Variants in CYBC1 observed in about 807,000 individuals in gnomAD.
CYBC1 encodes the protein cytochrome b-245 chaperone 1.
In CYBC1, 22 loss-of-function variants were observed where a neutral mutation model predicts 21.7. That is an observed-to-expected ratio of 1.02 (90% CI 0.73 to 1.45). The LOEUF (loss-of-function observed/expected upper bound fraction) is 1.45, where lower values mean the gene tolerates loss of function less well. Ranked by LOEUF, CYBC1 falls within the 40% of genes most tolerant of loss-of-function variation. The probability of loss-of-function intolerance (pLI) is 0.00; values close to 1 mark genes in which losing one functional copy is unlikely to be tolerated. For missense variants in CYBC1, 237 were observed against 242.1 expected (o/e 0.98, Z 0.14); for synonymous variants, 112 against 98.7 (o/e 1.13, Z -0.80).
At chr17:82,444,720 C>T in intron 5 of CYBC1, 129 bp from the exon 6 acceptor site, 1 of 1,234,458 alleles carries the variant, frequency 8.1e-7, no homozygotes, top group Non-Finnish European at 1.1e-6. Flanking sequence ...TTGCTGTTTC[C>T]TGCCTGAGGC....
At position 82,444,137 on chromosome 17, in the gene CYBC1, G is replaced by T. The variant is rs754388022; in HGVS notation, c.444-13C>A. 1.2e-6 allele frequency: 2 copies of T among 1,606,088 alleles called. No individual in the cohort carries two copies. The highest frequency in any genetic ancestry group is 1.7e-6 in the Non-Finnish European group (2 of 1,174,676). On this transcript the variant is annotated splice_polypyrimidine_tract_variant and intron_variant, in intron 6 of 6. Coordinates refer to ENST00000306645, the MANE Select transcript of CYBC1 (RefSeq NM_001033046.4). Reference sequence around the variant, plus strand: ...GGCTTCCACATCACTGGGCGAGGCCGGCAACGGGAGGAAGGTCAGGTCACC... The same window carrying T: ...GGCTTCCACATCACTGGGCGAGGCCTGCAACGGGAGGAAGGTCAGGTCACC...
At chr17:82,444,736 C>T (rs2054178735) in intron 5 of CYBC1, 145 bp from the exon 6 acceptor site, 25 of 1,061,578 alleles carry the variant, frequency 2.4e-5, no homozygotes, top group Non-Finnish European at 3.2e-5. Context: ...GAGGCTGGGC[C>T]CCGGAGGACT....
At position 82,445,058 on chromosome 17, in the gene CYBC1, T is replaced by TGGC. The variant is rs1484658795; in HGVS notation, c.299-468_299-467insGCC. On this transcript the variant is annotated intron_variant, in intron 5 of 6. Transcript: ENST00000306645. ...CAGCCCAGGCCAGCCCTGCAACTGCTCTCCCCAAAGCCACAGGTGACCTGG... is the reference window on the plus strand; with the variant it reads ...CAGCCCAGGCCAGCCCTGCAACTGCTGGCCTCCCCAAAGCCACAGGTGACCTGG... 193 of 158,842 alleles carry TGGC rather than the reference T, an allele frequency of 1.2e-3. 1 individual carries two copies. Among genetic ancestry groups the TGGC allele is most frequent in the Middle Eastern group, 6.5e-3 (2 of 308 alleles). The allele number at this position is 158,842 out of a possible 1,614,324, so 9.8% of individuals were successfully genotyped here.
At chr17:82,449,584 C>T in intron 1 of CYBC1, 1 of 307,570 alleles carries the variant, frequency 3.3e-6, no homozygotes, top group Non-Finnish European at 5.9e-6. Flanking sequence ...CTGCCCCGTC[C>T]TGTCTGGAAA....
At chr17:82,447,552 T>TG (rs751595888) in intron 3 of CYBC1, 28 bp downstream of exon 3, 58 of 455,962 alleles carry the variant, frequency 1.3e-4, no homozygotes, top group Admixed American at 4.2e-4. Flanking sequence ...GAGACAGTCA[T>TG]GGGGGGGTGG....
At chr17:82,447,533 C>G in intron 3 of CYBC1, 47 bp downstream of exon 3, 3 of 1,347,524 alleles carry the variant, frequency 2.2e-6, no homozygotes, top group South Asian at 2.5e-5. Context: ...CTCTGTTTTC[C>G]AAACAGCTGA....
chr17:82,443,460 T>C lies in CYBC1; in HGVS notation c.*544A>G. The C allele has an allele frequency of 1.5e-6, 1 of 665,210 alleles. No homozygotes were observed. Among genetic ancestry groups the C allele is most frequent in the South Asian group, 1.5e-5 (1 of 64,834 alleles). The allele number at this position is 665,210 out of a possible 1,614,324, so 41.2% of individuals were successfully genotyped here. ...CCTGGATGTTCACCCCTCACTGCCC[T>C]TGGGGAAGCACCTGACCGCTGGGGA... On this transcript the variant is annotated 3_prime_UTR_variant, in exon 7 of 7. Transcript: ENST00000306645. The surrounding 1 kb of genome is among the most constrained non-coding windows in gnomAD (Gnocchi z 6.7).
intron 3 of CYBC1, chr17:82,446,978 A>G: frequency 1.9e-6 from 1 of 521,756 alleles, no homozygotes; most frequent in Middle Eastern, 5.1e-4. Context: ...TGGGAAGTAC[A>G]CCTCATCCCA....
chr17:82,445,821 CT>C (rs777186316), intron 5 of CYBC1, 42 bp downstream of exon 5: 2 of 1,496,982 alleles, frequency 1.3e-6, no homozygotes, highest in East Asian at 4.6e-5. Flanking sequence ...AGTGCGCCGC[CT>C]CTGTGGCCGT....
In CYBC1 at chr17:82,449,287, A is replaced by AG. The variant is rs755941401; in HGVS notation, c.-34dup. On this transcript the variant is annotated 5_prime_UTR_variant, in exon 2 of 7. Transcript: ENST00000306645. ...GGGCAGCACCACTCTCTACAGGAGG[A>AG]GGGGTCTGGGAACAGACAGAGGCAG... 9.3e-6 allele frequency: 14 copies of AG among 1,501,412 alleles called. No individual in the cohort carries two copies. Among genetic ancestry groups the AG allele is most frequent in the Non-Finnish European group, 1.2e-5 (14 of 1,120,886 alleles). 93.0% of individuals were successfully genotyped at this position (1,501,412 alleles called of 1,614,324 possible).
chr17:82,444,170 A>G, intron 6 of CYBC1, 46 bp from the exon 7 acceptor site: 3 of 1,588,344 alleles, frequency 1.9e-6, no homozygotes, highest in South Asian at 2.3e-5. Context: ...ACCTCGGCAT[A>G]GGGCACCGTG....
At chr17:82,449,140 G>T (rs1387182284) in intron 2 of CYBC1, 30 bp downstream of exon 2, 2 of 1,505,874 alleles carry the variant, frequency 1.3e-6, no homozygotes. Context: ...CCGGTTCTGG[G>T]GTTCTGGGGA....
In CYBC1 at chr17:82,445,764, G is replaced by A. The variant is rs1175099612; in HGVS notation, c.298+100C>T. The A allele has an allele frequency of 1.3e-5, 11 of 828,014 alleles. No individual in the cohort carries two copies. In the Admixed American group the frequency reaches 1.6e-4, roughly 12 times the overall value. 51.3% of individuals were successfully genotyped at this position (828,014 alleles called of 1,614,324 possible). ...CCAAGCAGGTGAGCTTGGACCAAAGGCACTTCCAGGCCCCCCTCTAGGCCC... is the reference window on the plus strand; with the variant it reads ...CCAAGCAGGTGAGCTTGGACCAAAGACACTTCCAGGCCCCCCTCTAGGCCC... On this transcript the variant is annotated intron_variant, in intron 5 of 6. Coordinates refer to ENST00000306645, the MANE Select transcript of CYBC1 (RefSeq NM_001033046.4).
rs1055763182 is a variant in CYBC1, at chr17:82,444,205, G to A, written c.444-81C>T. The A allele has an allele frequency of 5.3e-5, 82 of 1,551,858 alleles. No individual in the cohort carries two copies. In the African/African-American group the frequency reaches 5.5e-4, roughly 11 times the overall value. On this transcript the variant is annotated intron_variant, in intron 6 of 6. Transcript: ENST00000306645. ...GAGACCCCACAGCAGTCTCCTCCTC[G>A]ACCACCTACCTCCCGCAGACCCTGG...
intron 3 of CYBC1, chr17:82,447,365 A>T: frequency 1.7e-6 from 1 of 583,108 alleles, no homozygotes. Context: ...AAAAAAAAAA[A>T]AAAGAAGTGA....
rs753533828 is a variant in CYBC1, at chr17:82,449,198, T to C, written c.57A>G (p.Pro19=). Reference sequence around the variant, plus strand: ...CCAGCAGGGACCAGGACCGGATGCCTGGAGCCCTCTTCAGATGGAGGCGGG... The same window carrying C: ...CCAGCAGGGACCAGGACCGGATGCCCGGAGCCCTCTTCAGATGGAGGCGGG... ...TSSRLHLKRA[P]GIRSWSLLVG... Residue 19 remains proline, a synonymous_variant, in exon 2 of 7, where the codon CCA becomes CCG. Transcript: ENST00000306645. 1 of 1,582,628 alleles carries C rather than the reference T, an allele frequency of 6.3e-7. No individual in the cohort carries two copies. The highest frequency in any genetic ancestry group is 8.6e-7 in the Non-Finnish European group (1 of 1,164,696).
In CYBC1 at chr17:82,446,653, A is replaced by C. The variant is rs1193151514; in HGVS notation, c.171T>G (p.Phe57Leu). Residue 57 changes from phenylalanine (F) to leucine (L), a missense_variant, in exon 4 of 7, where the codon TTT (phenylalanine) becomes TTG (leucine). Phe to Leu is a conservative substitution (Grantham distance 22). Coordinates refer to ENST00000306645, the MANE Select transcript of CYBC1 (RefSeq NM_001033046.4). ...WKLFYVTGCL[F>L]VAVQNLEDWE... ...AGTCCTCCAAGTTCTGCACAGCCACAAACAGGCAGCCTGTGACGTAGAAGA... is the reference window on the plus strand; with the variant it reads ...AGTCCTCCAAGTTCTGCACAGCCACCAACAGGCAGCCTGTGACGTAGAAGA... 6.2e-7 allele frequency: 1 copy of C among 1,614,116 alleles called. No individual in the cohort carries two copies.
intron 3 of CYBC1, chr17:82,446,958 T>G (rs1025251085): frequency 1.8e-6 from 1 of 550,450 alleles, no homozygotes; most frequent in Non-Finnish European, 3.3e-6. Context: ...GCCCAGTGAT[T>G]GTGGCAGGGT....
Position 82,446,674 on chromosome 17 carries a change from G to A in CYBC1, c.150C>T (p.Phe50=). 6.2e-7 allele frequency: 1 copy of A among 1,614,084 alleles called. No homozygotes were observed. Among genetic ancestry groups the A allele is most frequent in the Non-Finnish European group, 8.5e-7 (1 of 1,180,010 alleles). Reference sequence around the variant, plus strand: ...CCACAAACAGGCAGCCTGTGACGTAGAAGAGCTTCCAGCCCAGGCTATCTG... The same window carrying A: ...CCACAAACAGGCAGCCTGTGACGTAAAAGAGCTTCCAGCCCAGGCTATCTG... ...YSGDSLGWKL[F]YVTGCLFVAV... The change falls in exon 4 of 7, where the codon TTC becomes TTT. Residue 50 remains phenylalanine, a synonymous_variant. Coordinates refer to ENST00000306645, the MANE Select transcript of CYBC1 (RefSeq NM_001033046.4).
Sources: gnomAD v4.1 joint callset for allele counts on GRCh38, gnomAD v4.1.1 for gene constraint, Gnocchi (gnomAD v3.1) non-coding constraint, MANE v1.5 for transcripts, NCBI Gene and HGNC (gene_info 2026-07-23, HGNC 2026-07-21) for gene names.